The following OLAH variants were observed in gnomAD, a reference collection of about 807,000 sequenced individuals.
OLAH encodes oleoyl-ACP hydrolase.
In OLAH, 33 loss-of-function variants were observed where a neutral mutation model predicts 27.8. That is an observed-to-expected ratio of 1.19 (90% CI 0.90 to 1.59). The LOEUF (loss-of-function observed/expected upper bound fraction) is 1.59. Ranked by LOEUF, OLAH falls within the 40% of genes most tolerant of loss-of-function variation. The probability of loss-of-function intolerance (pLI) is 0.00; values close to 1 mark genes in which losing one functional copy is unlikely to be tolerated. For synonymous variants in OLAH, 120 were observed against 102.9 expected (o/e 1.17, Z -1.01); for missense variants, 359 against 310.8 (o/e 1.16, Z -1.17).
At chr10:15,039,143 T>C (rs757350945), upstream of OLAH, among the ~76,000 whole-genome samples, 12 of 152,038 alleles carry the variant, frequency 7.9e-5, no homozygotes, top group Admixed American at 2.0e-4. Context: ...GGAAGATTGC[T>C]TGAGCCTGGG....
At chr10:15,035,697 G>C (rs1052091520) in intron 1 of OLAH, among the ~76,000 whole-genome samples, 6 of 152,102 alleles carry the variant, frequency 3.9e-5, no homozygotes, top group Non-Finnish European at 8.8e-5. Flanking sequence ...CCAGTCAAAA[G>C]CATTTTACGC....
upstream of OLAH, among the ~76,000 whole-genome samples, chr10:15,042,270 G>A (rs1843933326): frequency 6.6e-6 from 1 of 152,086 alleles, no homozygotes; most frequent in East Asian, 1.9e-4. Flanking sequence ...TCCTGCCTCA[G>A]CCTCCCAAGT....
chr10:15,039,776 C>T (rs1843893713), upstream of OLAH, among the ~76,000 whole-genome samples: 1 of 152,204 alleles, frequency 6.6e-6, no homozygotes. Context: ...GTGCAGTCGT[C>T]AGTTTGGAAG....
chr10:15,041,209 T>A (rs1161681505), upstream of OLAH, among the ~76,000 whole-genome samples: 5 of 152,230 alleles, frequency 3.3e-5, no homozygotes, highest in Admixed American at 1.3e-4. Flanking sequence ...ACCAGCACGA[T>A]AGGATACTTT....
upstream of OLAH, among the ~76,000 whole-genome samples, chr10:15,039,368 A>G (rs1156959768): frequency 6.6e-6 from 1 of 152,208 alleles, no homozygotes; most frequent in African/African-American, 2.4e-5. Flanking sequence ...ACCTGAGGTC[A>G]GGAGTTCGAG....
upstream of OLAH, chr10:15,032,246 C>T (rs4750589): frequency 0.42 from 63,654 of 151,866 alleles, 13,853 homozygotes; most frequent in East Asian, 0.69. Context: ...GGATGCTTCC[C>T]GCCCTTGAAC....
rs112265274 is a variant in OLAH, at chr10:15,036,319, G to A, written c.-164+3969G>A. On this transcript the variant is annotated intron_variant, in intron 1 of 3. Transcript: ENST00000413672. The stretch of plus-strand genomic sequence containing the variant: ...TCAAGACCAGCCTGGGCAAAATGGC[G>A]AAACCCCATCTCTACTAAAAATACA... 8.0e-3 allele frequency among the ~76,000 whole-genome samples: 1,219 copies of A among 152,208 alleles called. 15 individuals carry two copies. Among genetic ancestry groups the A allele is most frequent in the African/African-American group, 0.028 (1,158 of 41,532 alleles).
chr10:15,047,370 G>T (rs1490602484), intron 2 of OLAH, 50 bp downstream of exon 2: 2 of 1,573,614 alleles, frequency 1.3e-6, no homozygotes, highest in Non-Finnish European at 8.7e-7. Flanking sequence ...CAGGGGCTCC[G>T]ATACCCTGCC....
In OLAH at chr10:15,033,447, C is replaced by T. The variant is rs983241509; in HGVS notation, c.-164+1097C>T. 2.0e-5 allele frequency among the ~76,000 whole-genome samples: 3 copies of T among 147,972 alleles called. No homozygotes were observed. The Admixed American group carries it at 2.0e-4, about 10-fold the overall frequency. On this transcript the variant is annotated intron_variant, in intron 1 of 3. Coordinates refer to the OLAH transcript ENST00000413672. ...GGGAGGGATTGGATAGGCAGAGAAACAGAAAGAAGAAGAGAAGGAGGAGAG... is the reference window on the plus strand; with the variant it reads ...GGGAGGGATTGGATAGGCAGAGAAATAGAAAGAAGAAGAGAAGGAGGAGAG...
At chr10:15,051,205 A>T (rs1844135631) in intron 3 of OLAH, among the ~76,000 whole-genome samples, 1 of 151,660 alleles carries the variant, frequency 6.6e-6, no homozygotes, top group Non-Finnish European at 1.5e-5. Flanking sequence ...CCTCCCAAGT[A>T]TCTGGGATTA....
At chr10:15,063,969 T>A (rs1844417020) in intron 4 of OLAH, among the ~76,000 whole-genome samples, 1 of 152,200 alleles carries the variant, frequency 6.6e-6, no homozygotes, top group Admixed American at 6.5e-5. Flanking sequence ...AAAACTCCAC[T>A]GTGTATTCAT....
chr10:15,048,593 A>G (rs1048066552), intron 2 of OLAH, among the ~76,000 whole-genome samples: 1 of 152,248 alleles, frequency 6.6e-6, no homozygotes, highest in African/African-American at 2.4e-5. Context: ...TAAAACTTAC[A>G]TATAACTTGA....
intron 6 of OLAH, among the ~76,000 whole-genome samples, chr10:15,066,116 C>T (rs1394213042): frequency 1.3e-5 from 2 of 152,016 alleles, no homozygotes; most frequent in Non-Finnish European, 2.9e-5. Context: ...TGGTGCACAC[C>T]TGTAATCCCA....
At chr10:15,064,645 A>T in intron 5 of OLAH, 143 bp downstream of exon 5, 1 of 557,080 alleles carries the variant, frequency 1.8e-6, no homozygotes, top group Non-Finnish European at 3.1e-6. Flanking sequence ...TGCAAAAGCC[A>T]TTGAGGTTTT....
intron 1 of OLAH, among the ~76,000 whole-genome samples, chr10:15,045,914 C>A (rs951051271): frequency 6.6e-6 from 1 of 151,942 alleles, no homozygotes; most frequent in Non-Finnish European, 1.5e-5. Context: ...GCCTGTAATT[C>A]CAGCTACTTG....
At chr10:15,038,322 G>A (rs1843873038) in intron 1 of OLAH, among the ~76,000 whole-genome samples, 1 of 152,178 alleles carries the variant, frequency 6.6e-6, no homozygotes, top group Non-Finnish European at 1.5e-5. Flanking sequence ...GCTGAAATGA[G>A]TTAAGACTTT....
chr10:15,047,365 G>A, intron 2 of OLAH, 45 bp downstream of exon 2: 3 of 1,589,372 alleles, frequency 1.9e-6, no homozygotes, highest in Non-Finnish European at 2.6e-6. Flanking sequence ...CATCCCAGGG[G>A]CTCCGATACC....
chr10:15,046,836 A>G (rs139332687), intron 1 of OLAH, among the ~76,000 whole-genome samples: 333 of 152,262 alleles, frequency 2.2e-3, no homozygotes, highest in African/African-American at 7.3e-3. Flanking sequence ...ATTTTCTAGT[A>G]TGTATGGAAT....
rs141145794 is a variant in OLAH, at chr10:15,047,294, G to A, written c.6G>A (p.Glu2=). The A allele has an allele frequency of 8.7e-6, 14 of 1,613,464 alleles. No individual in the cohort carries two copies. The African/African-American group carries it at 1.9e-4, about 22-fold the overall frequency. The change falls in exon 2 of 8, where the codon GAG becomes GAA. Residue 2 remains glutamate, a synonymous_variant. Transcript: ENST00000378228. The part of the protein sequence containing the change: M[E]RGDQPKRTRN... The stretch of plus-strand genomic sequence containing the variant: ...TTGCAACCTCACCTCACAGCATGGA[G>A]AGAGGAGACCAACCTAAGAGAACCA...
Sources: allele counts gnomAD v4.1 joint callset (sites outside exome capture counted in the v4.1 genomes callset), GRCh38; gene constraint gnomAD v4.1.1; transcripts MANE v1.5; gene names NCBI Gene and HGNC (gene_info 2026-07-23, HGNC 2026-07-21).